MYRIP: variants seen among roughly 807,000 people sequenced by gnomAD.
The protein encoded by MYRIP is myosin VIIA and Rab interacting protein.
Under a neutral mutation model 98.0 loss-of-function variants are expected in MYRIP, and 49 were observed. That is an observed-to-expected ratio of 0.50 (90% CI 0.40 to 0.63). The LOEUF is 0.63. Among genes scored for constraint, MYRIP ranks in the 30% least tolerant of loss-of-function variants. The pLI is 0.00. For missense variants in MYRIP, 1,004 were observed against 1,058.2 expected, an observed-to-expected ratio of 0.95 and a Z score of 0.71; for synonymous variants, 404 against 409.5, an observed-to-expected ratio of 0.99 and a Z score of 0.16.
intron 12 of MYRIP, among the ~76,000 whole-genome samples, chr3:40,235,028 TATTTA>T (rs1952789871): frequency 1.3e-5 from 2 of 149,148 alleles, no homozygotes; most frequent in African/African-American, 2.5e-5. Flanking sequence ...AACACAATCA[TATTTA>T]ATTTATGTTT....
At position 40,238,130 on chromosome 3, in the gene MYRIP, CCAAA is replaced by C. The variant is rs901435952; in HGVS notation, c.2100+4080_2100+4083del. 2.6e-5 allele frequency among the ~76,000 whole-genome samples: 4 copies of C among 152,352 alleles called. No individual in the cohort carries two copies. In the South Asian group the frequency reaches 6.2e-4, roughly 24 times the overall value. On this transcript the variant is annotated intron_variant, in intron 12 of 16. Transcript: ENST00000302541. ...TGCACCCCTCATGCCTCTCCTGTTC[CCAAA>C]CAGTTAACTGCCTTCTTCCTTCTCC...
At chr3:39,966,852 C>A (rs28502147) in intron 2 of MYRIP, among the ~76,000 whole-genome samples, 7,285 of 152,276 alleles carry the variant, frequency 0.048, 557 homozygotes, top group African/African-American at 0.16. Context: ...GAACCCACCA[C>A]ATATCAGAGG....
intron 2 of MYRIP, among the ~76,000 whole-genome samples, chr3:39,962,274 A>C (rs970414589): frequency 2.0e-5 from 3 of 152,112 alleles, no homozygotes; most frequent in Non-Finnish European, 2.9e-5. Flanking sequence ...TCCCTCAGTA[A>C]GTGTCAGTGG....
chr3:39,820,125 G>C (rs970983798), intron 1 of MYRIP, among the ~76,000 whole-genome samples: 1 of 152,196 alleles, frequency 6.6e-6, no homozygotes, highest in Non-Finnish European at 1.5e-5. Flanking sequence ...CCCCAGGAAG[G>C]ATGAGTGCCT....
chr3:40,068,113 G>A (rs9868691), intron 3 of MYRIP, among the ~76,000 whole-genome samples: 82,771 of 151,888 alleles, frequency 0.54, 22,709 homozygotes, highest in East Asian at 0.78. Context: ...GAATGCCTTT[G>A]TACAGATATC....
At chr3:39,896,012 A>C (rs1655056179) in intron 1 of MYRIP, among the ~76,000 whole-genome samples, 1 of 152,202 alleles carries the variant, frequency 6.6e-6, no homozygotes, top group African/African-American at 2.4e-5. Context: ...TGGTCAATAA[A>C]TGGTGTTAGG....
At chr3:40,174,533 G>A (rs1213093830) in intron 8 of MYRIP, 1 of 152,222 alleles carries the variant, frequency 6.6e-6, no homozygotes, top group African/African-American at 2.4e-5. Context: ...CCTTTGAGAA[G>A]CTGCTATTAT....
At chr3:40,208,375 T>C (rs1951836690) in intron 10 of MYRIP, among the ~76,000 whole-genome samples, 1 of 152,166 alleles carries the variant, frequency 6.6e-6, no homozygotes, top group African/African-American at 2.4e-5. Flanking sequence ...AAAGTAAAAT[T>C]GGGTCCAGTG....
intron 2 of MYRIP, among the ~76,000 whole-genome samples, chr3:39,918,096 T>G (rs1205104738): frequency 6.6e-6 from 1 of 152,076 alleles, no homozygotes. Flanking sequence ...CCAGCTAATT[T>G]TTTGTATTTT....
At chr3:40,119,720 A>G (rs1402636217) in intron 3 of MYRIP, among the ~76,000 whole-genome samples, 1 of 151,860 alleles carries the variant, frequency 6.6e-6, no homozygotes, top group Non-Finnish European at 1.5e-5. Context: ...TTGAACAATG[A>G]GAACACCTGG....
intron 1 of MYRIP, among the ~76,000 whole-genome samples, chr3:39,874,825 G>A (rs1314967999): frequency 1.3e-5 from 2 of 152,098 alleles, no homozygotes; most frequent in East Asian, 1.9e-4. Flanking sequence ...GTCTCTGCCC[G>A]GCTTTGGTAT....
intron 1 of MYRIP, among the ~76,000 whole-genome samples, chr3:39,850,082 G>A (rs1423119108): frequency 1.3e-5 from 2 of 152,336 alleles, no homozygotes; most frequent in East Asian, 3.9e-4. Flanking sequence ...GTATGAGTGT[G>A]TGTCTCACAG....
At chr3:40,182,108 CATTAAA>C in intron 8 of MYRIP, 106 bp from the exon 9 acceptor site, 1 of 1,182,024 alleles carries the variant, frequency 8.5e-7, no homozygotes, top group Non-Finnish European at 1.2e-6. Context: ...GAGCCATTAC[CATTAAA>C]CATGTTTTCT....
intron 1 of MYRIP, among the ~76,000 whole-genome samples, chr3:39,871,327 G>T (rs574848956): frequency 6.6e-6 from 1 of 152,192 alleles, no homozygotes; most frequent in East Asian, 1.9e-4. Context: ...ATAAATGTAG[G>T]CTTGTGATTT....
chr3:39,820,281 A>C (rs1047521527), intron 1 of MYRIP, among the ~76,000 whole-genome samples: 1 of 152,224 alleles, frequency 6.6e-6, no homozygotes, highest in African/African-American at 2.4e-5. Context: ...TAACTATCTC[A>C]AAGTGTGTTG....
Position 39,959,130 on chromosome 3 carries a change from G to T in MYRIP, c.110+58204G>T, listed in dbSNP as rs557628127. 1.2e-3 allele frequency among the ~76,000 whole-genome samples: 184 copies of T among 152,266 alleles called. 2 individuals are homozygous for T. Among genetic ancestry groups the T allele is most frequent in the South Asian group, 8.5e-3 (41 of 4,818 alleles). ...GGAAGACAGTGTGGCGATTCCTCAA[G>T]GACCTAGAACTAGAAATACCATTTG... On this transcript the variant is annotated intron_variant, in intron 2 of 16. Coordinates refer to ENST00000302541, the MANE Select transcript of MYRIP (RefSeq NM_015460.4).
chr3:40,151,652 C>T (rs76589622), intron 4 of MYRIP, among the ~76,000 whole-genome samples: 2 of 152,296 alleles, frequency 1.3e-5, no homozygotes, highest in East Asian at 3.9e-4. Context: ...TGTCAGCTTC[C>T]TCCCAGGAAA....
chr3:40,064,986 C>T (rs972222148), intron 3 of MYRIP, among the ~76,000 whole-genome samples: 4 of 152,126 alleles, frequency 2.6e-5, no homozygotes, highest in African/African-American at 9.7e-5. Flanking sequence ...CTTAACCCTG[C>T]GTACTCATTT....
At chr3:40,190,986 G>A (rs963391227) in intron 10 of MYRIP, among the ~76,000 whole-genome samples, 3 of 152,182 alleles carry the variant, frequency 2.0e-5, no homozygotes, top group African/African-American at 4.8e-5. Context: ...AGGTGTTCAT[G>A]ACAAGTGAAA....
Sources: gnomAD v4.1 joint callset for allele counts (sites outside exome capture counted in the v4.1 genomes callset) on GRCh38, gnomAD v4.1.1 for gene constraint, MANE v1.5 for transcripts, NCBI Gene and HGNC (gene_info 2026-07-23, HGNC 2026-07-21) for gene names.